The following PCDHA9 variants were observed in gnomAD, a reference collection of about 807,000 sequenced individuals.
The protein encoded by PCDHA9 is protocadherin alpha-9.
PCDHA9 carries 62 observed loss-of-function variants against 62.0 expected under a neutral mutation model. The observed-to-expected ratio is 1.00, with a 90% confidence interval of 0.81 to 1.23. PCDHA9 has a LOEUF of 1.23. PCDHA9 is among the 50% of genes most tolerant of loss of function. The pLI is 0.00. For missense variants in PCDHA9, 1,205 were observed against 1,249.8 expected (o/e 0.96, Z 0.54); for synonymous variants, 557 against 567.6 (o/e 0.98, Z 0.27).
At position 140,858,007 on chromosome 5, in the gene PCDHA9, T is replaced by A. The variant is rs1383838363; in HGVS notation, c.2394+7118T>A. The stretch of plus-strand genomic sequence containing the variant: ...GCCTACTGGTGCTGGTGAAGGACCA[T>A]GGCGAGCCGTCGCTGACGGCCACGG... On this transcript the variant is annotated intron_variant, in intron 1 of 3. Coordinates refer to ENST00000532602, the MANE Select transcript of PCDHA9 (RefSeq NM_031857.2). The A allele has an allele frequency of 8.8e-6, 14 of 1,596,616 alleles. 1 individual carries two copies. Among genetic ancestry groups the A allele is most frequent in the Non-Finnish European group, 1.1e-5 (13 of 1,167,062 alleles).
rs576221086 is a variant in PCDHA9, at chr5:140,933,031, A to G, written c.2395-45918A>G. Among the ~76,000 whole-genome samples, 5 of 152,154 alleles carry G rather than the reference A, an allele frequency of 3.3e-5. No individual in the cohort carries two copies. The South Asian group carries it at 6.2e-4, about 19-fold the overall frequency. ...AATATTAACACTTGGCAGAACTTCAAGTGAATATGGATTACAGTCCAGGAT... is the reference window on the plus strand; with the variant it reads ...AATATTAACACTTGGCAGAACTTCAGGTGAATATGGATTACAGTCCAGGAT... On this transcript the variant is annotated intron_variant, in intron 1 of 3. Coordinates refer to ENST00000532602, the MANE Select transcript of PCDHA9 (RefSeq NM_031857.2).
In PCDHA9 at chr5:140,857,482, G is replaced by A. The variant is rs782347083; in HGVS notation, c.2394+6593G>A. On this transcript the variant is annotated intron_variant, in intron 1 of 3. Transcript: ENST00000532602. ...GCTGCCACATCTTCACGGTGTCTGC[G>A]TGGGACGCGGACGCGCAGGAGAACG... 2.3e-5 allele frequency: 36 copies of A among 1,598,422 alleles called. 1 individual carries two copies. The highest frequency in any genetic ancestry group is 2.6e-5 in the Non-Finnish European group (30 of 1,167,890).
chr5:140,966,659 G>T, intron 1 of PCDHA9: 1 of 1,217,656 alleles, frequency 8.2e-7, no homozygotes, highest in South Asian at 2.0e-5. Flanking sequence ...AGCGGTGGGG[G>T]AGCAGGCGCA....
At chr5:140,960,208 C>T (rs1295278624) in intron 1 of PCDHA9, among the ~76,000 whole-genome samples, 2 of 151,976 alleles carry the variant, frequency 1.3e-5, no homozygotes, top group Non-Finnish European at 2.9e-5. Flanking sequence ...GATGTTATTT[C>T]AGGATCTCAA....
intron 1 of PCDHA9, chr5:140,857,235 T>C: frequency 6.3e-7 from 1 of 1,598,634 alleles, no homozygotes; most frequent in Non-Finnish European, 8.6e-7. Context: ...CCGTTCAAGC[T>C]GGTGTCCACC....
At chr5:140,946,575 G>A (rs1554217641) in intron 1 of PCDHA9, among the ~76,000 whole-genome samples, 3 of 140,788 alleles carry the variant, frequency 2.1e-5, no homozygotes, top group Non-Finnish European at 4.6e-5. Flanking sequence ...ATCAACTTAG[G>A]TGTTCATAGT....
At chr5:140,984,704 G>A (rs2097116148) in intron 3 of PCDHA9, among the ~76,000 whole-genome samples, 1 of 152,032 alleles carries the variant, frequency 6.6e-6, no homozygotes, top group Non-Finnish European at 1.5e-5. Flanking sequence ...CTGCTTGGAG[G>A]GAATATGGCA....
chr5:140,877,150 G>A (rs370292278), intron 1 of PCDHA9: 11 of 1,613,672 alleles, frequency 6.8e-6, no homozygotes, highest in Admixed American at 3.3e-5. Context: ...GGACGAGAAC[G>A]ACAACGCGCC....
At chr5:140,883,960 G>C in intron 1 of PCDHA9, 5 of 1,613,090 alleles carry the variant, frequency 3.1e-6, no homozygotes, top group Non-Finnish European at 4.2e-6. Flanking sequence ...ACGCTCCGGC[G>C]CTGCTGACGC....
intron 1 of PCDHA9, among the ~76,000 whole-genome samples, chr5:140,888,362 T>G (rs1282144902): frequency 6.6e-6 from 1 of 152,208 alleles, no homozygotes; most frequent in African/African-American, 2.4e-5. Flanking sequence ...TACTGGCATC[T>G]AATAATGGAG....
chr5:140,982,380 C>G, intron 2 of PCDHA9, 95 bp from the exon 3 acceptor site: 1 of 1,577,206 alleles, frequency 6.3e-7, no homozygotes, highest in Non-Finnish European at 8.6e-7. Flanking sequence ...AGCTGCAGCC[C>G]TGGCTTCATA....
intron 1 of PCDHA9, chr5:140,857,901 G>A (rs782807567): frequency 1.9e-6 from 3 of 1,597,728 alleles, no homozygotes; most frequent in East Asian, 4.5e-5. Flanking sequence ...GTTGGTGCAC[G>A]CATCCCGTTT....
At chr5:140,876,298 G>T (rs1469744425) in intron 1 of PCDHA9, 3 of 1,613,970 alleles carry the variant, frequency 1.9e-6, no homozygotes, top group Non-Finnish European at 1.7e-6. Context: ...ACTTAATGGA[G>T]AAATTTCCTA....
intron 1 of PCDHA9, among the ~76,000 whole-genome samples, chr5:140,902,203 C>CTTT (rs148688132): frequency 4.8e-5 from 6 of 124,458 alleles, no homozygotes; most frequent in Non-Finnish European, 8.4e-5. Flanking sequence ...CTCTCTCTTT[C>CTTT]TTTTTTTTTT....
chr5:140,949,779 T>A (rs1414817850), intron 1 of PCDHA9, among the ~76,000 whole-genome samples: 1 of 151,898 alleles, frequency 6.6e-6, no homozygotes, highest in East Asian at 1.9e-4. Context: ...ATTTGATATG[T>A]TTAGATTTGT....
At chr5:140,917,137 C>A (rs868951388) in intron 1 of PCDHA9, among the ~76,000 whole-genome samples, 4 of 152,208 alleles carry the variant, frequency 2.6e-5, no homozygotes, top group African/African-American at 4.8e-5. Context: ...CCACGTTGCT[C>A]AGCTGCTGCT....
intron 3 of PCDHA9, among the ~76,000 whole-genome samples, chr5:141,003,440 T>G (rs1194575812): frequency 6.6e-6 from 1 of 152,100 alleles, no homozygotes; most frequent in Non-Finnish European, 1.5e-5. Flanking sequence ...GCCTCCCAAG[T>G]AGATGAAATT....
intron 1 of PCDHA9, chr5:140,966,401 C>G (rs1218132824): frequency 2.5e-6 from 1 of 404,878 alleles, no homozygotes; most frequent in African/African-American, 2.1e-5. Flanking sequence ...CACTTCGGCG[C>G]GGAATCAGAG....
chr5:140,996,164 T>C (rs934521653), intron 3 of PCDHA9, among the ~76,000 whole-genome samples: 2 of 152,246 alleles, frequency 1.3e-5, no homozygotes, highest in African/African-American at 4.8e-5. Context: ...TATACTGCAA[T>C]GTGCTGACAG....
Sources: allele counts gnomAD v4.1 joint callset (sites outside exome capture counted in the v4.1 genomes callset), GRCh38; gene constraint gnomAD v4.1.1; transcripts MANE v1.5; gene names NCBI Gene and HGNC (gene_info 2026-07-23, HGNC 2026-07-21).